The following SLC25A13 variants were observed in gnomAD, a reference collection of about 807,000 sequenced individuals.
The protein encoded by SLC25A13 is solute carrier family 25 member 13.
A neutral mutation model predicts 85.5 loss-of-function variants in SLC25A13; 70 were observed. The observed-to-expected ratio is 0.82, with a 90% confidence interval of 0.68 to 1.00. SLC25A13 has a LOEUF of 1.00. Among genes scored for constraint, SLC25A13 ranks in the 50% least tolerant of loss-of-function variants. The pLI, the probability that SLC25A13 is intolerant of heterozygous loss-of-function variation, is 0.00. For missense variants in SLC25A13, 765 were observed against 819.8 expected (o/e 0.93, Z 0.82); for synonymous variants, 259 against 288.7 (o/e 0.90, Z 1.04).
chr7:96,316,416 A>G (rs955993441), intron 1 of SLC25A13, among the ~76,000 whole-genome samples: 1 of 152,192 alleles, frequency 6.6e-6, no homozygotes, highest in Non-Finnish European at 1.5e-5. Context: ...CTAAGATAAG[A>G]ACTACTGGAC....
chr7:96,249,679 C>T lies in SLC25A13; in HGVS notation c.213-14762G>A, dbSNP rs916676544. 9.2e-5 allele frequency among the ~76,000 whole-genome samples: 14 copies of T among 152,184 alleles called. No homozygotes were observed. In the South Asian group the frequency reaches 2.5e-3, roughly 27 times the overall value. On this transcript the variant is annotated intron_variant, in intron 3 of 17. Transcript: ENST00000265631. ...AGCTTTTTTAAAACGCAGGCCATTA[C>T]AACACAGAACAGTAATTGTAAAAGA...
chr7:96,122,863 T>C (rs1445242967), intron 15 of SLC25A13, among the ~76,000 whole-genome samples: 1 of 152,222 alleles, frequency 6.6e-6, no homozygotes, highest in African/African-American at 2.4e-5. Flanking sequence ...TATGGTTTTA[T>C]TACTTTTCCA....
chr7:96,299,015 A>G (rs1179158731), intron 1 of SLC25A13, among the ~76,000 whole-genome samples: 1 of 152,154 alleles, frequency 6.6e-6, no homozygotes, highest in Non-Finnish European at 1.5e-5. Context: ...AGTACATAAC[A>G]CTTTTTTCAA....
chr7:96,172,847 C>T (rs1317613934), intron 11 of SLC25A13, among the ~76,000 whole-genome samples: 1 of 152,128 alleles, frequency 6.6e-6, no homozygotes, highest in East Asian at 1.9e-4. Flanking sequence ...CCAGCTCCGC[C>T]TCTTGGGTTC....
In SLC25A13 at chr7:96,189,372, C is replaced by T; in HGVS notation, c.855G>A (p.Met285Ile). The change falls in exon 9 of 18, where the codon ATG (methionine) becomes ATA (isoleucine). Residue 285 changes from methionine to isoleucine, a missense_variant. By Grantham distance (10) the Met-to-Ile change is conservative. Transcript: ENST00000265631. ...CAATCCGTTCAATGTCTGCTAAGGTCATACGTCTGTAGGGGAAAAACAAAC... is the reference window on the plus strand; with the variant it reads ...CAATCCGTTCAATGTCTGCTAAGGTTATACGTCTGTAGGGGAAAAACAAAC... ...LADLYEPRGR[M>I]TLADIERIAP... The T allele has an allele frequency of 6.2e-7, 1 of 1,613,714 alleles. No individual in the cohort carries two copies. The highest frequency in any genetic ancestry group is 8.5e-7 in the Non-Finnish European group (1 of 1,179,970).
At chr7:96,276,669 C>A (rs1798461615) in intron 3 of SLC25A13, among the ~76,000 whole-genome samples, 1 of 152,008 alleles carries the variant, frequency 6.6e-6, no homozygotes, top group Non-Finnish European at 1.5e-5. Context: ...GCAGAGAAGA[C>A]TGGTAGGGAA....
chr7:96,164,228 C>G (rs1055760348), intron 13 of SLC25A13, among the ~76,000 whole-genome samples: 2 of 152,174 alleles, frequency 1.3e-5, no homozygotes, highest in Admixed American at 6.5e-5. Context: ...AACTCACCTT[C>G]TTAAGTCTGA....
chr7:96,192,816 T>C (rs989104609), intron 6 of SLC25A13, among the ~76,000 whole-genome samples: 4 of 152,064 alleles, frequency 2.6e-5, no homozygotes, highest in Non-Finnish European at 5.9e-5. Flanking sequence ...AAAAAGCTAA[T>C]GTATTTCTCG....
At chr7:96,208,703 C>T (rs1252238781) in intron 5 of SLC25A13, 135 bp downstream of exon 5, 2 of 981,092 alleles carry the variant, frequency 2.0e-6, no homozygotes, top group Non-Finnish European at 3.1e-6. Context: ...GACGGGGTTT[C>T]ACCATGTTGG....
chr7:96,126,270 G>A (rs903339015), intron 15 of SLC25A13, among the ~76,000 whole-genome samples: 1 of 152,140 alleles, frequency 6.6e-6, no homozygotes, highest in Non-Finnish European at 1.5e-5. Flanking sequence ...TTTGGGGGTA[G>A]AAGAATTTAT....
At chr7:96,183,389 C>T (rs1406118953) in intron 11 of SLC25A13, among the ~76,000 whole-genome samples, 1 of 152,134 alleles carries the variant, frequency 6.6e-6, no homozygotes, top group Non-Finnish European at 1.5e-5. Flanking sequence ...GCCAGTTTCA[C>T]CGTCCACCTC....
At chr7:96,255,879 T>G (rs1797614898) in intron 3 of SLC25A13, among the ~76,000 whole-genome samples, 1 of 152,174 alleles carries the variant, frequency 6.6e-6, no homozygotes, top group Admixed American at 6.5e-5. Flanking sequence ...TGAATCTCTC[T>G]GCAGAAACCT....
At chr7:96,254,760 T>C (rs1422278212) in intron 3 of SLC25A13, among the ~76,000 whole-genome samples, 2 of 152,014 alleles carry the variant, frequency 1.3e-5, no homozygotes, top group Admixed American at 6.6e-5. Flanking sequence ...AATACACATA[T>C]AAATTTACTT....
chr7:96,226,375 A>C (rs577885735), intron 4 of SLC25A13, among the ~76,000 whole-genome samples: 38 of 152,308 alleles, frequency 2.5e-4, no homozygotes, highest in African/African-American at 8.2e-4. Context: ...CTATGTATAT[A>C]AATTTTCTTT....
intron 15 of SLC25A13, among the ~76,000 whole-genome samples, chr7:96,129,620 A>G (rs1269136817): frequency 6.6e-6 from 1 of 152,220 alleles, no homozygotes; most frequent in Non-Finnish European, 1.5e-5. Flanking sequence ...TAATAAAATT[A>G]CTATTATGGA....
intron 1 of SLC25A13, 115 bp downstream of exon 1, chr7:96,321,827 G>T: frequency 7.6e-7 from 1 of 1,309,844 alleles, no homozygotes; most frequent in Non-Finnish European, 1.0e-6. Flanking sequence ...CGGCTGCCCG[G>T]CACCCCATTT....
chr7:96,182,020 T>G (rs1350338291), intron 11 of SLC25A13, among the ~76,000 whole-genome samples: 3 of 152,206 alleles, frequency 2.0e-5, no homozygotes, highest in Admixed American at 6.5e-5. Flanking sequence ...ATATTGTAAT[T>G]TTTTAAATTA....
chr7:96,213,630 T>C (rs1051677851), intron 4 of SLC25A13, among the ~76,000 whole-genome samples: 1 of 152,200 alleles, frequency 6.6e-6, no homozygotes, highest in African/African-American at 2.4e-5. Flanking sequence ...ATGTTTTAGC[T>C]TTTTTGGTTG....
At chr7:96,123,419 C>T (rs896779378) in intron 15 of SLC25A13, among the ~76,000 whole-genome samples, 4 of 152,180 alleles carry the variant, frequency 2.6e-5, no homozygotes, top group African/African-American at 9.7e-5. Flanking sequence ...GGTGGGCAGG[C>T]ATGTCAGACT....
Sources: gnomAD v4.1 joint callset for allele counts (sites outside exome capture counted in the v4.1 genomes callset) on GRCh38, gnomAD v4.1.1 for gene constraint, MANE v1.5 for transcripts, NCBI Gene and HGNC (gene_info 2026-07-23, HGNC 2026-07-21) for gene names.